Variants in CRLF3 observed in about 807,000 individuals in gnomAD.
CRLF3 encodes the protein cytokine receptor-like factor 3.
In CRLF3, 33 loss-of-function variants were observed where a neutral mutation model predicts 55.0. That is an observed-to-expected ratio of 0.60 (90% CI 0.46 to 0.80). The LOEUF is 0.80. Among genes scored for constraint, CRLF3 ranks in the 30% least tolerant of loss-of-function variants. The probability of loss-of-function intolerance (pLI) is 0.00; values close to 1 mark genes in which losing one functional copy is unlikely to be tolerated. For missense variants in CRLF3, 494 were observed against 538.4 expected, an observed-to-expected ratio of 0.92 and a Z score of 0.82; for synonymous variants, 238 against 196.8, an observed-to-expected ratio of 1.21 and a Z score of -1.75.
chr17:30,812,137 TAAAGAC>T (rs1432353450), intron 1 of CRLF3, among the ~76,000 whole-genome samples: 1 of 151,804 alleles, frequency 6.6e-6, no homozygotes, highest in Non-Finnish European at 1.5e-5. Context: ...AAAATAAAAA[TAAAGAC>T]AAAGATAAAA....
intron 1 of CRLF3, among the ~76,000 whole-genome samples, chr17:30,813,606 G>T (rs1228885570): frequency 6.8e-6 from 1 of 148,124 alleles, no homozygotes; most frequent in Admixed American, 6.8e-5. Context: ...TGTGCTAAGC[G>T]TTTTTTTTTT....
rs771002970 is a variant in CRLF3 at position 30,782,749 on chromosome 17, T to A, written c.*1438A>T. On this transcript the variant is annotated 3_prime_UTR_variant, in exon 8 of 8. Coordinates refer to ENST00000324238, the MANE Select transcript of CRLF3 (RefSeq NM_015986.4). ...CAAGGTATCTACATTCTAGAACATC[T>A]TCTTAATCCCTAAACAAGTGGAAAT... The A allele has an allele frequency of 1.1e-4, 17 of 152,160 alleles. No homozygotes were observed. Among genetic ancestry groups the A allele is most frequent in the Admixed American group, 5.9e-4 (9 of 15,264 alleles). 9.4% of individuals were successfully genotyped at this position (152,160 alleles called of 1,614,324 possible). A position where few individuals can be genotyped will look rare whatever the true frequency, so the allele number is the denominator to read the frequency against.
intron 4 of CRLF3, among the ~76,000 whole-genome samples, chr17:30,793,908 G>A (rs1248315427): frequency 1.3e-5 from 2 of 151,688 alleles, no homozygotes; most frequent in Non-Finnish European, 1.5e-5. Context: ...GCGTGATCTC[G>A]GCTTATTGCA....
At position 30,783,215 on chromosome 17, in the gene CRLF3, A is replaced by C. The variant is rs531943890; in HGVS notation, c.*972T>G. ...CACTGCTGTGCATACTACTGCCATA[A>C]CTAGTTTTACCCTGTAAAAATACTG... On this transcript the variant is annotated 3_prime_UTR_variant, in exon 8 of 8. Transcript: ENST00000324238. 6.6e-6 allele frequency: 1 copy of C among 152,334 alleles called. No individual in the cohort carries two copies. The highest frequency in any genetic ancestry group is 1.5e-5 in the Non-Finnish European group (1 of 68,030). The allele number at this position is 152,334 out of a possible 1,614,324, so 9.4% of individuals were successfully genotyped here.
Position 30,784,300 on chromosome 17 carries a change from T to C in CRLF3, c.1216A>G (p.Ile406Val), listed in dbSNP as rs774434726. 23 of 1,614,022 alleles carry C rather than the reference T, an allele frequency of 1.4e-5. No homozygotes were observed. Among genetic ancestry groups the C allele is most frequent in the East Asian group, 8.9e-5 (4 of 44,900 alleles). Residue 406 changes from isoleucine (I) to valine (V), a missense_variant, in exon 8 of 8, where the codon ATA (isoleucine) becomes GTA (valine). Ile to Val is a conservative substitution (Grantham distance 29). Coordinates refer to ENST00000324238, the MANE Select transcript of CRLF3 (RefSeq NM_015986.4). ...EGGHFKLRVT[I>V]SSNNREVVFD... ...ACCACTTCTCTATTATTTGAACTTA[T>C]AGTTACTCGAAGCTTGAAGTGTCCA...
Position 30,785,901 on chromosome 17 carries a change from CAGT to C in CRLF3, c.1072+15_1072+17del. 3.3e-6 allele frequency: 4 copies of C among 1,222,638 alleles called. No individual in the cohort carries two copies. Among genetic ancestry groups the C allele is most frequent in the Non-Finnish European group, 4.8e-6 (4 of 829,706 alleles). 75.7% of individuals were successfully genotyped at this position (1,222,638 alleles called of 1,614,324 possible). A position where few individuals can be genotyped will look rare whatever the true frequency, so the allele number is the denominator to read the frequency against. The stretch of plus-strand genomic sequence containing the variant: ...AATTAATATATTTCCAAGAGAATGA[CAGT>C]TATTTATCTCTTACCATTTGTACTA... On this transcript the variant is annotated intron_variant, in intron 7 of 7. Coordinates refer to ENST00000324238, the MANE Select transcript of CRLF3 (RefSeq NM_015986.4).
Position 30,784,239 on chromosome 17 carries a change from A to G in CRLF3, c.1277T>C (p.Leu426Pro). The stretch of plus-strand genomic sequence containing the variant: ...ATAGAAAAATGAGCATCCAAAGTAA[A>G]GAGAACCACAAGACTGATCAAGTAA... ...DWLLDQSCGS[L>P]YFGCSFFYPG... Residue 426 changes from leucine (L) to proline (P), a missense_variant, in exon 8 of 8, where the codon CTT (leucine) becomes CCT (proline). Transcript: ENST00000324238. 1 of 1,614,070 alleles carries G rather than the reference A, an allele frequency of 6.2e-7. No individual in the cohort carries two copies. Among genetic ancestry groups the G allele is most frequent in the South Asian group, 1.1e-5 (1 of 91,080 alleles).
At chr17:30,820,514 G>A (rs1312242611) in intron 1 of CRLF3, among the ~76,000 whole-genome samples, 1 of 152,138 alleles carries the variant, frequency 6.6e-6, no homozygotes, top group African/African-American at 2.4e-5. Context: ...TGGGCACGGT[G>A]GCTCACCCAG....
At chr17:30,811,803 CAAAAAA>C (rs915710879) in intron 1 of CRLF3, among the ~76,000 whole-genome samples, 50 of 27,754 alleles carry the variant, frequency 1.8e-3, no homozygotes, top group Admixed American at 9.6e-3. Context: ...GACTCTGTCT[CAAAAAA>C]AAAAAAAAAA....
chr17:30,803,113 T>A (rs1254913263), intron 2 of CRLF3, among the ~76,000 whole-genome samples: 1 of 151,538 alleles, frequency 6.6e-6, no homozygotes, highest in Non-Finnish European at 1.5e-5. Context: ...TGCAGTGAGC[T>A]CTGACAGCAC....
At chr17:30,796,501 A>C (rs780285410) in intron 3 of CRLF3, among the ~76,000 whole-genome samples, 164 bp from the exon 4 acceptor site, 1 of 152,200 alleles carries the variant, frequency 6.6e-6, no homozygotes, top group Non-Finnish European at 1.5e-5. Flanking sequence ...TTCTCTTTTC[A>C]AATAAATATA....
At chr17:30,787,533 G>GGCAAAAAA (rs1971676037) in intron 6 of CRLF3, 2 of 119,796 alleles carry the variant, frequency 1.7e-5, no homozygotes, top group African/African-American at 6.3e-5. Flanking sequence ...ACTTTGCAAG[G>GGCAAAAAA]ACAAAAAAAA....
chr17:30,814,596 A>AC (rs1904726183), intron 1 of CRLF3, among the ~76,000 whole-genome samples: 1 of 149,822 alleles, frequency 6.7e-6, no homozygotes, highest in South Asian at 2.1e-4. Flanking sequence ...GGCAGAGGTT[A>AC]CGCTGAGCTG....
intron 1 of CRLF3, among the ~76,000 whole-genome samples, chr17:30,823,922 T>C (rs1175674552): frequency 6.6e-6 from 1 of 152,142 alleles, no homozygotes; most frequent in Non-Finnish European, 1.5e-5. Context: ...ATTTTAAACC[T>C]TCTAGAACAG....
intron 1 of CRLF3, among the ~76,000 whole-genome samples, chr17:30,822,303 A>G (rs1201349383): frequency 6.6e-6 from 1 of 152,190 alleles, no homozygotes; most frequent in Non-Finnish European, 1.5e-5. Flanking sequence ...TTTGTACCAT[A>G]GACCTTCCTT....
intron 1 of CRLF3, among the ~76,000 whole-genome samples, chr17:30,805,357 T>C (rs956781653): frequency 6.6e-6 from 1 of 152,058 alleles, no homozygotes. Flanking sequence ...ATACTGAAAA[T>C]TGTTTAATTA....
chr17:30,784,913 CT>C, intron 7 of CRLF3: 1 of 155,688 alleles, frequency 6.4e-6, no homozygotes, highest in Non-Finnish European at 1.4e-5. Flanking sequence ...CCACGCCCAG[CT>C]AATTTTTGTA....
chr17:30,794,157 A>G (rs1397969232), intron 4 of CRLF3, among the ~76,000 whole-genome samples: 2 of 152,106 alleles, frequency 1.3e-5, no homozygotes, highest in East Asian at 1.9e-4. Flanking sequence ...TTATTGAACC[A>G]TGTGTTCTGT....
intron 1 of CRLF3, among the ~76,000 whole-genome samples, chr17:30,814,927 C>T (rs998085996): frequency 6.6e-6 from 1 of 151,724 alleles, no homozygotes; most frequent in Non-Finnish European, 1.5e-5. Flanking sequence ...CTTGAACCCC[C>T]GGGAGGCGGA....
Sources: allele counts gnomAD v4.1 joint callset (sites outside exome capture counted in the v4.1 genomes callset), GRCh38; gene constraint gnomAD v4.1.1; transcripts MANE v1.5; gene names NCBI Gene and HGNC (gene_info 2026-07-23, HGNC 2026-07-21).